The following KAT14 variants were observed in gnomAD, a reference collection of about 807,000 sequenced individuals.
KAT14 encodes lysine acetyltransferase 14.
A neutral mutation model predicts 78.4 loss-of-function variants in KAT14; 66 were observed. The ratio of observed to expected loss-of-function variants is 0.84; its 90% CI spans 0.69 to 1.03. The LOEUF is 1.03. KAT14 is among the 50% of genes least tolerant of loss of function. The pLI is 0.00. For missense variants in KAT14, 870 were observed against 972.5 expected (o/e 0.89, Z 1.40); for synonymous variants, 344 against 359.4 (o/e 0.96, Z 0.48).
chr20:18,144,239 C>T (rs1365340737), intron 2 of KAT14, among the ~76,000 whole-genome samples: 1 of 152,192 alleles, frequency 6.6e-6, no homozygotes, highest in African/African-American at 2.4e-5. Flanking sequence ...TACTAGTTAG[C>T]TGGTTTTTGC....
chr20:18,186,664 A>ATGATTGTTACTCTTTTCCCCTAAGATT (rs1439187692), intron 10 of KAT14, among the ~76,000 whole-genome samples: 1 of 152,218 alleles, frequency 6.6e-6, no homozygotes, highest in Non-Finnish European at 1.5e-5. Flanking sequence ...TGTTGATAGA[A>ATGATTGTTACTCTTTTCCCCTAAGATT]TGATTGTTAC....
Position 18,184,564 on chromosome 20 carries a change from G to C in KAT14, c.1982-38G>C, listed in dbSNP as rs753333015. ...GCTTGGTGTTCCTTAATTCTCAAAG[G>C]CATGTGGTTTGAGTCTCCGATGGTT... On this transcript the variant is annotated intron_variant, in intron 9 of 10. Transcript: ENST00000688188. 5.1e-6 allele frequency: 8 copies of C among 1,571,566 alleles called. No homozygotes were observed. The Admixed American group carries it at 1.6e-4, about 31-fold the overall frequency.
intron 3 of KAT14, among the ~76,000 whole-genome samples, chr20:18,149,981 C>A (rs1221358961): frequency 6.6e-6 from 1 of 151,236 alleles, no homozygotes; most frequent in East Asian, 1.9e-4. Flanking sequence ...TACAAAAAAA[C>A]ATCTATATGA....
chr20:18,177,011 G>T (rs549188421), intron 7 of KAT14, among the ~76,000 whole-genome samples: 2 of 152,276 alleles, frequency 1.3e-5, no homozygotes, highest in East Asian at 3.9e-4. Context: ...TTACCTTGAG[G>T]CATTAACCAG....
chr20:18,159,766 G>A (rs912867196), intron 5 of KAT14, among the ~76,000 whole-genome samples: 1 of 152,112 alleles, frequency 6.6e-6, no homozygotes, highest in Non-Finnish European at 1.5e-5. Context: ...AAGAGATCAG[G>A]ATTCTTTCCT....
In KAT14 at chr20:18,142,515, G is replaced by T. The variant is rs1291218348; in HGVS notation, c.-146G>T. On this transcript the variant is annotated 5_prime_UTR_variant, in exon 2 of 11. Coordinates refer to ENST00000688188, the MANE Select transcript of KAT14 (RefSeq NM_001392073.1). ...GGTCATATAAGTTACTGCTTTCAGG[G>T]TCCCTTATATCTGAATAAAGGAGTG... is the stretch of plus-strand genomic sequence containing the variant. 3 of 1,463,900 alleles carry T rather than the reference G, an allele frequency of 2.0e-6. No homozygotes were observed. Among genetic ancestry groups the T allele is most frequent in the Non-Finnish European group, 2.7e-6 (3 of 1,110,228 alleles). The allele number at this position is 1,463,900 out of a possible 1,614,324, so 90.7% of individuals were successfully genotyped here.
chr20:18,148,877 T>C (rs1432431113), intron 3 of KAT14, among the ~76,000 whole-genome samples: 1 of 152,190 alleles, frequency 6.6e-6, no homozygotes, highest in African/African-American at 2.4e-5. Context: ...CCCAAAGTGC[T>C]GGGATTACAG....
At chr20:18,154,346 T>C (rs1207341309) in intron 4 of KAT14, among the ~76,000 whole-genome samples, 2 of 152,228 alleles carry the variant, frequency 1.3e-5, no homozygotes. Flanking sequence ...GGAGTCCTGC[T>C]CTGTCGTCCA....
intron 7 of KAT14, among the ~76,000 whole-genome samples, chr20:18,171,264 G>T (rs1441780213): frequency 6.6e-6 from 1 of 152,166 alleles, no homozygotes; most frequent in Non-Finnish European, 1.5e-5. Context: ...AAGAGAACTA[G>T]AATTAGAAGT....
intron 2 of KAT14, 167 bp downstream of exon 2, chr20:18,143,086 C>T: frequency 3.6e-6 from 5 of 1,404,956 alleles, no homozygotes; most frequent in Non-Finnish European, 4.6e-6. Context: ...CATGTTTGTA[C>T]TAATGAAACG....
intron 4 of KAT14, among the ~76,000 whole-genome samples, chr20:18,155,075 GGGTTTCACCTTATTGGTCAGGCT>G (rs1366938325): frequency 6.6e-6 from 1 of 152,160 alleles, no homozygotes; most frequent in East Asian, 1.9e-4. Flanking sequence ...CGTAGGGACA[GGGTTTCACCTTATTGGTCAGGCT>G]GGTCTTGAAC....
At chr20:18,176,025 C>T (rs1242809471) in intron 7 of KAT14, among the ~76,000 whole-genome samples, 1 of 142,700 alleles carries the variant, frequency 7.0e-6, no homozygotes, top group Non-Finnish European at 1.5e-5. Context: ...AAAAAAAAGC[C>T]AGGTATGGTG....
intron 7 of KAT14, among the ~76,000 whole-genome samples, chr20:18,167,889 C>CT (rs373306631): frequency 2.0e-5 from 3 of 151,554 alleles, no homozygotes; most frequent in African/African-American, 7.3e-5. Flanking sequence ...GGTTGTCCCC[C>CT]CAAACAAAAA....
intron 7 of KAT14, among the ~76,000 whole-genome samples, chr20:18,169,852 A>G (rs1226914823): frequency 1.3e-5 from 2 of 152,238 alleles, no homozygotes; most frequent in Non-Finnish European, 2.9e-5. Context: ...AAGGTCATTA[A>G]AGGTGCTACT....
chr20:18,151,235 C>T (rs2038024838), intron 4 of KAT14, among the ~76,000 whole-genome samples: 1 of 151,924 alleles, frequency 6.6e-6, no homozygotes, highest in African/African-American at 2.4e-5. Flanking sequence ...CTTGCTCTCT[C>T]CCCCAGGCTA....
At chr20:18,169,823 T>C (rs1009326273) in intron 7 of KAT14, among the ~76,000 whole-genome samples, 5 of 152,240 alleles carry the variant, frequency 3.3e-5, no homozygotes, top group African/African-American at 9.6e-5. Context: ...AAGGTGTGAA[T>C]GCAAAGGAAA....
intron 1 of KAT14, among the ~76,000 whole-genome samples, chr20:18,141,249 G>A (rs1200952193): frequency 2.0e-5 from 3 of 151,884 alleles, no homozygotes; most frequent in Admixed American, 1.3e-4. Flanking sequence ...AATGACTGAT[G>A]TTTTTAAAAG....
At position 18,185,461 on chromosome 20, in the gene KAT14, C is replaced by T. The variant is rs544710970; in HGVS notation, c.2172+669C>T. Among the ~76,000 whole-genome samples the T allele has an allele frequency of 2.6e-5, 4 of 152,260 alleles. No homozygotes were observed. The South Asian group carries it at 6.2e-4, about 24-fold the overall frequency. On this transcript the variant is annotated intron_variant, in intron 10 of 10. Coordinates refer to ENST00000688188, the MANE Select transcript of KAT14 (RefSeq NM_001392073.1). ...AAGCAATCCTTCCACCTCAGCCTCCCGAGTGCTGGGATTATGGGCATGAGC... is the reference window on the plus strand; with the variant it reads ...AAGCAATCCTTCCACCTCAGCCTCCTGAGTGCTGGGATTATGGGCATGAGC...
chr20:18,154,851 G>C (rs2146395402), intron 4 of KAT14, among the ~76,000 whole-genome samples: 1 of 152,272 alleles, frequency 6.6e-6, no homozygotes, highest in Admixed American at 6.5e-5. Flanking sequence ...TATGGTAGTA[G>C]AAGAAAATAT....
Sources: gnomAD v4.1 joint callset for allele counts (sites outside exome capture counted in the v4.1 genomes callset) on GRCh38, gnomAD v4.1.1 for gene constraint, MANE v1.5 for transcripts, NCBI Gene and HGNC (gene_info 2026-07-23, HGNC 2026-07-21) for gene names.